The following TNFAIP8 variants were observed in gnomAD, a reference collection of about 807,000 sequenced individuals.
The protein encoded by TNFAIP8 is tumor necrosis factor alpha-induced protein 8.
In TNFAIP8, 7 loss-of-function variants were observed where a neutral mutation model predicts 13.3. That is an observed-to-expected ratio of 0.52 (90% confidence interval 0.30 to 0.99). TNFAIP8 has a LOEUF of 0.99. TNFAIP8 is among the 50% of genes least tolerant of loss of function. The pLI, the probability that TNFAIP8 is intolerant of heterozygous loss-of-function variation, is 0.07. For missense variants in TNFAIP8, 258 were observed against 236.9 expected (o/e 1.09, Z -0.58); for synonymous variants, 94 against 87.6 (o/e 1.07, Z -0.41).
chr5:119,333,644 G>A (rs1750455592), intron 1 of TNFAIP8: 1 of 1,525,160 alleles, frequency 6.6e-7, no homozygotes, highest in Non-Finnish European at 8.8e-7. Flanking sequence ...GAGTTAAAAC[G>A]GCCTTCAGAA....
intron 1 of TNFAIP8, among the ~76,000 whole-genome samples, chr5:119,284,624 T>C (rs1235116515): frequency 2.0e-5 from 3 of 151,526 alleles, no homozygotes; most frequent in Non-Finnish European, 4.4e-5. Flanking sequence ...GAGGTTGCAG[T>C]GAGCCAAGAT....
At chr5:119,312,199 G>C (rs938625421) in intron 1 of TNFAIP8, among the ~76,000 whole-genome samples, 14 of 152,130 alleles carry the variant, frequency 9.2e-5, no homozygotes, top group African/African-American at 3.4e-4. Context: ...GGATTGGGGA[G>C]GAGTCTGGTT....
chr5:119,338,293 A>G (rs538783600), intron 1 of TNFAIP8, among the ~76,000 whole-genome samples: 2 of 152,196 alleles, frequency 1.3e-5, no homozygotes, highest in East Asian at 3.9e-4. Context: ...TATGACAAGG[A>G]TATTCTCACA....
At chr5:119,328,322 T>G (rs1750282973) in intron 1 of TNFAIP8, among the ~76,000 whole-genome samples, 1 of 151,546 alleles carries the variant, frequency 6.6e-6, no homozygotes, top group African/African-American at 2.4e-5. Flanking sequence ...CTGGAAAAGT[T>G]TTTGAAACTT....
intron 1 of TNFAIP8, chr5:119,333,284 T>C (rs1363035303): frequency 9.1e-7 from 1 of 1,101,592 alleles, no homozygotes; most frequent in Non-Finnish European, 1.1e-6. Flanking sequence ...CTGTTGTGAA[T>C]GTGGAGACCT....
intron 1 of TNFAIP8, among the ~76,000 whole-genome samples, chr5:119,312,042 G>A (rs1749748279): frequency 6.6e-6 from 1 of 152,160 alleles, no homozygotes; most frequent in Non-Finnish European, 1.5e-5. Flanking sequence ...ATACACTATA[G>A]TATTAACTTT....
intron 1 of TNFAIP8, among the ~76,000 whole-genome samples, chr5:119,364,516 T>C (rs1176117135): frequency 6.6e-6 from 1 of 152,036 alleles, no homozygotes; most frequent in Non-Finnish European, 1.5e-5. Flanking sequence ...CCAGCTAATT[T>C]TTAAATTGTT....
rs187131985 is a variant in TNFAIP8 at position 119,304,561 on chromosome 5, G to T, written c.1+35654G>T. Among the ~76,000 whole-genome samples, 13 of 152,274 alleles carry T rather than the reference G, an allele frequency of 8.5e-5. No homozygotes were observed. The East Asian group carries it at 2.3e-3, about 27-fold the overall frequency. On this transcript the variant is annotated intron_variant, in intron 1 of 1. Transcript: ENST00000274456. Reference sequence around the variant, plus strand: ...ACCATAGGCAAAGTCCTTAAAACTTGCACCTTAGAATTACCTGAATATGAT... The same window carrying T: ...ACCATAGGCAAAGTCCTTAAAACTTTCACCTTAGAATTACCTGAATATGAT...
At chr5:119,332,655 T>C (rs1750421969) in intron 1 of TNFAIP8, among the ~76,000 whole-genome samples, 1 of 152,148 alleles carries the variant, frequency 6.6e-6, no homozygotes, top group Admixed American at 6.5e-5. Context: ...AAGGAAGAGA[T>C]TGAGATCATA....
intron 1 of TNFAIP8, among the ~76,000 whole-genome samples, chr5:119,301,613 T>C (rs939480239): frequency 6.6e-6 from 1 of 152,210 alleles, no homozygotes; most frequent in African/African-American, 2.4e-5. Flanking sequence ...TAGCACGAGG[T>C]AGGCCCTCAG....
At chr5:119,303,541 C>T (rs73252311) in intron 1 of TNFAIP8, among the ~76,000 whole-genome samples, 1,544 of 152,202 alleles carry the variant, frequency 0.01, 17 homozygotes, top group African/African-American at 0.035. Context: ...CTTTTGCTTC[C>T]CTTATCATTT....
chr5:119,274,434 A>C (rs916906343), intron 1 of TNFAIP8, among the ~76,000 whole-genome samples: 7 of 152,248 alleles, frequency 4.6e-5, no homozygotes, highest in African/African-American at 1.7e-4. Context: ...AGGGCAGAGC[A>C]GTCCTCACTT....
At chr5:119,326,477 G>A (rs1017301013) in intron 1 of TNFAIP8, among the ~76,000 whole-genome samples, 4 of 152,192 alleles carry the variant, frequency 2.6e-5, no homozygotes, top group Admixed American at 2.6e-4. Context: ...AAGCACGGTG[G>A]GGGCAGGACT....
intron 1 of TNFAIP8, among the ~76,000 whole-genome samples, chr5:119,310,036 A>G (rs911701679): frequency 6.6e-6 from 1 of 152,214 alleles, no homozygotes; most frequent in African/African-American, 2.4e-5. Context: ...TAGGATCTCA[A>G]AAAGTGGCTG....
At chr5:119,354,141 T>C (rs963904188), upstream of TNFAIP8, among the ~76,000 whole-genome samples, 1 of 152,168 alleles carries the variant, frequency 6.6e-6, no homozygotes, top group Non-Finnish European at 1.5e-5. Context: ...TATCTCCCCA[T>C]AAGTCTGAGA....
At chr5:119,366,710 G>C (rs977738043) in intron 1 of TNFAIP8, among the ~76,000 whole-genome samples, 1 of 152,194 alleles carries the variant, frequency 6.6e-6, no homozygotes, top group African/African-American at 2.4e-5. Context: ...ACTTCGGGGG[G>C]TTTCCCTCAT....
rs1753092336 is a variant in TNFAIP8, at chr5:119,397,124, A to AATAC, written c.*3745_*3748dup. ...AAAGTTCTTTTTCTCCCACCATGTGAATACACACACACACACACACACACA... is the reference window on the plus strand; with the variant it reads ...AAAGTTCTTTTTCTCCCACCATGTGAATACATACACACACACACACACACACACA... On this transcript the variant is annotated 3_prime_UTR_variant, in exon 2 of 2. Transcript: ENST00000504771. 9.6e-6 allele frequency: 1 copy of AATAC among 103,750 alleles called. No homozygotes were observed. The highest frequency in any genetic ancestry group is 3.3e-5 in the African/African-American group (1 of 30,528). The allele number at this position is 103,750 out of a possible 1,614,324, so 6.4% of individuals were successfully genotyped here. A position where few individuals can be genotyped will look rare whatever the true frequency, so the allele number is the denominator to read the frequency against.
intron 1 of TNFAIP8, among the ~76,000 whole-genome samples, chr5:119,276,158 C>G (rs1581560838): frequency 6.6e-6 from 1 of 150,736 alleles, no homozygotes; most frequent in Non-Finnish European, 1.5e-5. Flanking sequence ...TGCTCTGTCT[C>G]CCAGGCTGAA....
At chr5:119,281,306 A>ACAGACACACACACACACACTCTCT in intron 1 of TNFAIP8, among the ~76,000 whole-genome samples, 1 of 114,134 alleles carries the variant, frequency 8.8e-6, no homozygotes, top group Admixed American at 9.4e-5. Context: ...ACACACACAC[A>ACAGACACACACACACACACTCTCT]CTCTCTCTCT....
Sources: allele counts gnomAD v4.1 joint callset (sites outside exome capture counted in the v4.1 genomes callset), GRCh38; gene constraint gnomAD v4.1.1; transcripts MANE v1.5; gene names NCBI Gene and HGNC (gene_info 2026-07-23, HGNC 2026-07-21).